The following MDFI variants were observed in gnomAD, a reference collection of about 807,000 sequenced individuals.
The protein encoded by MDFI is MyoD family inhibitor.
A neutral mutation model predicts 22.3 loss-of-function variants in MDFI; 16 were observed. The observed-to-expected ratio is 0.72, with a 90% CI of 0.49 to 1.09. MDFI has a LOEUF of 1.09. Among genes scored for constraint, MDFI ranks in the 50% least tolerant of loss-of-function variants. MDFI has a pLI of 0.00. For missense variants in MDFI, 314 were observed against 326.1 expected, an observed-to-expected ratio of 0.96 and a Z score of 0.29; for synonymous variants, 145 against 142.7, an observed-to-expected ratio of 1.02 and a Z score of -0.12.
intron 4 of MDFI, among the ~76,000 whole-genome samples, chr6:41,652,917 C>T (rs1411518572): frequency 1.3e-5 from 2 of 152,150 alleles, no homozygotes; most frequent in African/African-American, 2.4e-5. Flanking sequence ...TGGGCCCGGC[C>T]GACTTCTCTT....
chr6:41,638,684 G>A lies in MDFI; in HGVS notation c.-12+32G>A, dbSNP rs1767723697. On this transcript the variant is annotated intron_variant, in intron 1 of 4. Transcript: ENST00000230321. This position sits in a 1 kb window ranked among gnomAD's most constrained non-coding sequence, Gnocchi z 7.6. The stretch of plus-strand genomic sequence containing the variant: ...GGACGTGGGAGGCGCGCATCTGCGG[G>A]GGAATCGCCCCTTGCCCGCCTCCGG... 3.3e-6 allele frequency: 5 copies of A among 1,495,602 alleles called. No homozygotes were observed. In the Admixed American group the frequency reaches 9.9e-5, roughly 29 times the overall value. 92.6% of individuals were successfully genotyped at this position (1,495,602 alleles called of 1,614,324 possible). A position where few individuals can be genotyped will look rare whatever the true frequency, so the allele number is the denominator to read the frequency against.
In MDFI at chr6:41,638,834, G is replaced by C. The variant is rs1337524518; in HGVS notation, c.76+9G>C. ...CGCAGCCCCGGGCCCAGGTAGGACC[G>C]GGAGTGGCGAGCGAAGCTGGACAGG... On this transcript the variant is annotated intron_variant, in intron 2 of 4. Coordinates refer to ENST00000230321, the MANE Select transcript of MDFI (RefSeq NM_005586.4). The surrounding 1 kb of genome is among the most constrained non-coding windows in gnomAD (Gnocchi z 7.6). The C allele has an allele frequency of 1.2e-5, 18 of 1,549,650 alleles. No individual in the cohort carries two copies. The highest frequency in any genetic ancestry group is 2.7e-5 in the African/African-American group (2 of 73,452).
At position 41,653,779 on chromosome 6, in the gene MDFI, G is replaced by T. The variant is rs901441045; in HGVS notation, c.*204G>T. ...GGGGCCACCTCCTCAGCCGTGGGTG[G>T]TGGGCCCATGGCAGAGAAGCCTGAA... On this transcript the variant is annotated 3_prime_UTR_variant, in exon 5 of 5. Coordinates refer to ENST00000230321, the MANE Select transcript of MDFI (RefSeq NM_005586.4). This position sits in a 1 kb window ranked among gnomAD's most constrained non-coding sequence, Gnocchi z 4.2. 9.0e-5 allele frequency: 58 copies of T among 645,232 alleles called. No individual in the cohort carries two copies. The highest frequency in any genetic ancestry group is 1.4e-4 in the Non-Finnish European group (54 of 377,882). The allele number at this position is 645,232 out of a possible 1,614,324, so 40.0% of individuals were successfully genotyped here. A position where few individuals can be genotyped will look rare whatever the true frequency, so the allele number is the denominator to read the frequency against.
chr6:41,642,537 G>A (rs886398541), intron 2 of MDFI, among the ~76,000 whole-genome samples: 2 of 152,252 alleles, frequency 1.3e-5, no homozygotes, highest in African/African-American at 4.8e-5. Context: ...TGGGCCACCC[G>A]GGCAGTGTCT....
At chr6:41,641,451 A>T (rs1023497899) in intron 2 of MDFI, among the ~76,000 whole-genome samples, 5 of 152,204 alleles carry the variant, frequency 3.3e-5, no homozygotes, top group African/African-American at 1.2e-4. Flanking sequence ...AACAGGAATA[A>T]TATAAGCATG....
rs576871865 is a variant in MDFI at position 41,652,986 on chromosome 6, A to G, written c.485-333A>G. On this transcript the variant is annotated intron_variant, in intron 4 of 4. Coordinates refer to ENST00000230321, the MANE Select transcript of MDFI (RefSeq NM_005586.4). ...GTAAAGGCCCCTGCCTCATAGATTC[A>G]TTGGAGGCCTAAATGAATGTAATTC... is the stretch of plus-strand genomic sequence containing the variant. Among the ~76,000 whole-genome samples, 23 of 152,296 alleles carry G rather than the reference A, an allele frequency of 1.5e-4. No individual in the cohort carries two copies. The South Asian group carries it at 4.8e-3, about 32-fold the overall frequency.
chr6:41,646,063 C>A, intron 2 of MDFI, 63 bp from the exon 3 acceptor site: 1 of 1,387,114 alleles, frequency 7.2e-7, no homozygotes, highest in Non-Finnish European at 9.5e-7. Flanking sequence ...GGGGCGGGGC[C>A]CACGGCTGGG....
At position 41,653,792 on chromosome 6, in the gene MDFI, A is replaced by G; in HGVS notation, c.*217A>G. 1 of 618,506 alleles carries G rather than the reference A, an allele frequency of 1.6e-6. No individual in the cohort carries two copies. Among genetic ancestry groups the G allele is most frequent in the Non-Finnish European group, 2.8e-6 (1 of 354,678 alleles). The allele number at this position is 618,506 out of a possible 1,614,324, so 38.3% of individuals were successfully genotyped here. A position where few individuals can be genotyped will look rare whatever the true frequency, so the allele number is the denominator to read the frequency against. On this transcript the variant is annotated 3_prime_UTR_variant, in exon 5 of 5. Coordinates refer to ENST00000230321, the MANE Select transcript of MDFI (RefSeq NM_005586.4). The surrounding 1 kb of genome is among the most constrained non-coding windows in gnomAD (Gnocchi z 4.2). ...CAGCCGTGGGTGGTGGGCCCATGGC[A>G]GAGAAGCCTGAACTCTTTACTGGGT...
At chr6:41,649,899 A>G in intron 4 of MDFI, 56 bp downstream of exon 4, 2 of 1,506,192 alleles carry the variant, frequency 1.3e-6, no homozygotes, top group Non-Finnish European at 1.8e-6. Context: ...GGTTCCTCGA[A>G]GCATGACGCA....
chr6:41,653,784 C>T lies in MDFI; in HGVS notation c.*209C>T. The T allele has an allele frequency of 1.6e-6, 1 of 634,544 alleles. No homozygotes were observed. The highest frequency in any genetic ancestry group is 2.7e-5 in the East Asian group (1 of 36,394). The allele number at this position is 634,544 out of a possible 1,614,324, so 39.3% of individuals were successfully genotyped here. The stretch of plus-strand genomic sequence containing the variant: ...CACCTCCTCAGCCGTGGGTGGTGGG[C>T]CCATGGCAGAGAAGCCTGAACTCTT... On this transcript the variant is annotated 3_prime_UTR_variant, in exon 5 of 5. Transcript: ENST00000230321. This position sits in a 1 kb window ranked among gnomAD's most constrained non-coding sequence, Gnocchi z 4.2.
At chr6:41,646,951 A>G (rs898738435) in intron 3 of MDFI, among the ~76,000 whole-genome samples, 1 of 152,188 alleles carries the variant, frequency 6.6e-6, no homozygotes, top group African/African-American at 2.4e-5. Flanking sequence ...TGCGAAGCCC[A>G]TTTTAGAGAT....
At chr6:41,645,800 C>G (rs1768026981) in intron 2 of MDFI, among the ~76,000 whole-genome samples, 1 of 129,080 alleles carries the variant, frequency 7.7e-6, no homozygotes, top group Non-Finnish European at 1.7e-5. Flanking sequence ...CCGTTGCTGA[C>G]CGTCCGTCTG....
intron 3 of MDFI, among the ~76,000 whole-genome samples, chr6:41,649,157 A>G (rs1354006084): frequency 6.6e-6 from 1 of 152,232 alleles, no homozygotes; most frequent in African/African-American, 2.4e-5. Flanking sequence ...TAAATCACCC[A>G]GTGCGCCAAG....
Position 41,649,718 on chromosome 6 carries a change from C to T in MDFI, c.359C>T (p.Ala120Val). The part of the protein sequence containing the change: ...LGGTRRAGNG[A>V]LGGPKAHRKL... ...GGCACCAGACGGGCGGGGAATGGTG[C>T]CCTGGGTGGCCCCAAGGCCCACCGG... is the stretch of plus-strand genomic sequence containing the variant. Residue 120 changes from alanine (A) to valine (V), a missense_variant, in exon 4 of 5, where the codon GCC (alanine) becomes GTC (valine). Coordinates refer to ENST00000230321, the MANE Select transcript of MDFI (RefSeq NM_005586.4). 2 of 1,614,082 alleles carry T rather than the reference C, an allele frequency of 1.2e-6. No individual in the cohort carries two copies. Among genetic ancestry groups the T allele is most frequent in the Non-Finnish European group, 1.7e-6 (2 of 1,180,008 alleles).
At chr6:41,647,911 C>T (rs111500269) in intron 3 of MDFI, among the ~76,000 whole-genome samples, 13,512 of 151,730 alleles carry the variant, frequency 0.089, 708 homozygotes, top group African/African-American at 0.14. Flanking sequence ...GGCGTGGTGG[C>T]GGGCGCATGT....
chr6:41,638,746 G>A lies in MDFI; in HGVS notation c.-4G>A. On this transcript the variant is annotated 5_prime_UTR_variant, in exon 2 of 5. Transcript: ENST00000230321. This position sits in a 1 kb window ranked among gnomAD's most constrained non-coding sequence, Gnocchi z 7.6. ...GAGCCCTGTTTTCCGCAGGTCCGGG[G>A]CCGATGTACCAGGTGAGCGGCCAGC... is the stretch of plus-strand genomic sequence containing the variant. The A allele has an allele frequency of 1.3e-6, 2 of 1,565,482 alleles. No homozygotes were observed. The highest frequency in any genetic ancestry group is 1.7e-6 in the Non-Finnish European group (2 of 1,161,008).
At chr6:41,652,254 C>T (rs1453727870) in intron 4 of MDFI, among the ~76,000 whole-genome samples, 1 of 152,230 alleles carries the variant, frequency 6.6e-6, no homozygotes, top group African/African-American at 2.4e-5. Flanking sequence ...TCAGCGCCTG[C>T]ATGGCCAAGG....
intron 3 of MDFI, among the ~76,000 whole-genome samples, chr6:41,647,160 C>T (rs1422017299): frequency 1.3e-5 from 2 of 152,204 alleles, no homozygotes; most frequent in Non-Finnish European, 2.9e-5. Context: ...GCACGGCCCT[C>T]GGTCTCCTCC....
chr6:41,642,715 G>A lies in MDFI; in HGVS notation c.77-3411G>A, dbSNP rs79962434. On this transcript the variant is annotated intron_variant, in intron 2 of 4. Transcript: ENST00000230321. ...TCTCTGTCCCTCTGTGTGTCTCCAG[G>A]TCAGGATTATTGGACTTGGTTTTCT... Among the ~76,000 whole-genome samples the A allele has an allele frequency of 9.8e-3, 1,485 of 152,274 alleles. 21 individuals are homozygous for A. The highest frequency in any genetic ancestry group is 0.031 in the African/African-American group (1,300 of 41,534).
Sources: allele counts gnomAD v4.1 joint callset (sites outside exome capture counted in the v4.1 genomes callset), GRCh38; gene constraint gnomAD v4.1.1; non-coding constraint Gnocchi (gnomAD v3.1); transcripts MANE v1.5; gene names NCBI Gene and HGNC (gene_info 2026-07-23, HGNC 2026-07-21).